Variants in PKNOX2 observed in about 807,000 individuals in gnomAD.
PKNOX2 encodes PBX/knotted 1 homeobox 2, also known as homeobox protein PKNOX2.
Under a neutral mutation model 53.1 loss-of-function variants are expected in PKNOX2, and 14 were observed. The observed-to-expected ratio is 0.26, with a 90% CI of 0.17 to 0.41. PKNOX2 has a LOEUF of 0.41. PKNOX2 is among the 10% of genes least tolerant of loss of function. PKNOX2 has a pLI of 1.00. For missense variants in PKNOX2, 496 were observed against 602.8 expected (o/e 0.82, Z 1.85); for synonymous variants, 257 against 242.8 (o/e 1.06, Z -0.54).
chr11:125,180,854 T>C (rs1168294962), intron 1 of PKNOX2, among the ~76,000 whole-genome samples: 1 of 152,130 alleles, frequency 6.6e-6, no homozygotes, highest in African/African-American at 2.4e-5. Context: ...CATACTTCTC[T>C]CCCACGAGGT....
chr11:125,186,535 C>G (rs544799818), intron 1 of PKNOX2, among the ~76,000 whole-genome samples: 22 of 152,158 alleles, frequency 1.4e-4, no homozygotes, highest in African/African-American at 4.8e-4. Context: ...GCCTGTAGTC[C>G]CAGCTACTCA....
At chr11:125,173,858 A>AG in intron 1 of PKNOX2, among the ~76,000 whole-genome samples, 1 of 152,216 alleles carries the variant, frequency 6.6e-6, no homozygotes. Context: ...ACAAACACCA[A>AG]GGGGAGTTTA....
intron 9 of PKNOX2, chr11:125,411,273 G>A (rs1955494459): frequency 3.3e-6 from 1 of 304,636 alleles, no homozygotes; most frequent in South Asian, 3.5e-5. Context: ...ATTGATAAAA[G>A]GGGGATTAAT....
At chr11:125,359,404 G>T (rs1391291766) in intron 4 of PKNOX2, among the ~76,000 whole-genome samples, 1 of 151,884 alleles carries the variant, frequency 6.6e-6, no homozygotes, top group East Asian at 1.9e-4. Context: ...TTTGTTTTCT[G>T]CTGGGCCTTT....
rs577809396 is a variant in PKNOX2, at chr11:125,284,982, G to C, written c.-129-46837G>C. ...GGGGACTGATTGAGTGGGAGGCTTTGTTCTACCTTGAGAGCAGCAGAAAGA... is the reference window on the plus strand; with the variant it reads ...GGGGACTGATTGAGTGGGAGGCTTTCTTCTACCTTGAGAGCAGCAGAAAGA... On this transcript the variant is annotated intron_variant, in intron 2 of 12. Transcript: ENST00000298282. Among the ~76,000 whole-genome samples, 7 of 152,168 alleles carry C rather than the reference G, an allele frequency of 4.6e-5. No homozygotes were observed. The East Asian group carries it at 9.7e-4, about 21-fold the overall frequency.
At chr11:125,364,002 G>A (rs1952056300) in intron 4 of PKNOX2, among the ~76,000 whole-genome samples, 1 of 152,140 alleles carries the variant, frequency 6.6e-6, no homozygotes, top group Non-Finnish European at 1.5e-5. Context: ...GCTTTCACAG[G>A]CCAGAACAAG....
At chr11:125,170,615 A>G (rs894718254) in intron 1 of PKNOX2, among the ~76,000 whole-genome samples, 2 of 152,206 alleles carry the variant, frequency 1.3e-5, no homozygotes, top group African/African-American at 4.8e-5. Context: ...TTTGGCTTGG[A>G]TGCCTCACTG....
chr11:125,217,490 C>T (rs1404231810), intron 1 of PKNOX2, among the ~76,000 whole-genome samples: 1 of 152,202 alleles, frequency 6.6e-6, no homozygotes, highest in Non-Finnish European at 1.5e-5. Context: ...ACTGCAAGGC[C>T]AGCTACAAAT....
At chr11:125,222,683 CGTATGT>C (rs1941304870) in intron 1 of PKNOX2, among the ~76,000 whole-genome samples, 1 of 106,210 alleles carries the variant, frequency 9.4e-6, no homozygotes, top group African/African-American at 4.0e-5. Context: ...TATGTGTGTG[CGTATGT>C]GTGTGTATGT....
chr11:125,181,977 AC>A (rs1956179190), intron 1 of PKNOX2, among the ~76,000 whole-genome samples: 1 of 152,198 alleles, frequency 6.6e-6, no homozygotes, highest in Non-Finnish European at 1.5e-5. Context: ...TAGAGCTGGG[AC>A]ACAGAGGTTT....
At chr11:125,367,760 CAGGCCA>C in intron 4 of PKNOX2, 80 bp from the exon 5 acceptor site, 1 of 1,439,900 alleles carries the variant, frequency 6.9e-7, no homozygotes, top group South Asian at 1.4e-5. Flanking sequence ...GGGCACAGCA[CAGGCCA>C]AGGCGGACCT....
At chr11:125,391,391 C>T (rs1471514634) in intron 6 of PKNOX2, among the ~76,000 whole-genome samples, 1 of 152,194 alleles carries the variant, frequency 6.6e-6, no homozygotes, top group African/African-American at 2.4e-5. Context: ...ACAAGAGAGG[C>T]ACACTGAGAG....
chr11:125,346,995 C>G (rs1320869646), intron 3 of PKNOX2, among the ~76,000 whole-genome samples: 2 of 152,110 alleles, frequency 1.3e-5, no homozygotes, highest in African/African-American at 4.8e-5. Context: ...AACATCACTG[C>G]AAAGCAATTC....
chr11:125,339,969 C>A (rs538888762), intron 3 of PKNOX2, among the ~76,000 whole-genome samples: 13 of 152,254 alleles, frequency 8.5e-5, no homozygotes, highest in South Asian at 2.1e-4. Context: ...GCTCGCTTAA[C>A]GTTTTCCATC....
intron 5 of PKNOX2, among the ~76,000 whole-genome samples, chr11:125,372,997 G>A (rs1444393458): frequency 6.6e-6 from 1 of 152,266 alleles, no homozygotes; most frequent in Admixed American, 6.5e-5. Flanking sequence ...GAGGAACAGA[G>A]CAGGACAGTA....
At chr11:125,169,885 C>A (rs556193208) in intron 1 of PKNOX2, among the ~76,000 whole-genome samples, 8 of 152,370 alleles carry the variant, frequency 5.3e-5, no homozygotes, top group African/African-American at 1.9e-4. Flanking sequence ...CAAAAACCAT[C>A]TACACTTTAC....
intron 5 of PKNOX2, among the ~76,000 whole-genome samples, chr11:125,368,634 G>A (rs1952324813): frequency 6.6e-6 from 1 of 152,232 alleles, no homozygotes; most frequent in Non-Finnish European, 1.5e-5. Flanking sequence ...CCCAAGAAGG[G>A]GAGTTTGCTG....
intron 4 of PKNOX2, among the ~76,000 whole-genome samples, chr11:125,359,809 C>G (rs116348317): frequency 0.015 from 2,219 of 152,320 alleles, 73 homozygotes; most frequent in African/African-American, 0.05. Flanking sequence ...AGGGGGCCCT[C>G]CTGGGGCTGG....
At chr11:125,319,639 A>G (rs1452503046) in intron 2 of PKNOX2, among the ~76,000 whole-genome samples, 1 of 152,230 alleles carries the variant, frequency 6.6e-6, no homozygotes, top group Non-Finnish European at 1.5e-5. Flanking sequence ...TCAAATAATC[A>G]CATATAATAT....
Sources: gnomAD v4.1 joint callset for allele counts (sites outside exome capture counted in the v4.1 genomes callset) on GRCh38, gnomAD v4.1.1 for gene constraint, MANE v1.5 for transcripts, NCBI Gene and HGNC (gene_info 2026-07-23, HGNC 2026-07-21) for gene names.